Variants in BABAM2 observed in about 807,000 individuals in gnomAD.
The protein encoded by BABAM2 is BRISC and BRCA1 A complex member 2, also known as BRISC and BRCA1-A complex member 2.
A neutral mutation model predicts 54.7 loss-of-function variants in BABAM2; 31 were observed. The ratio of observed to expected loss-of-function variants is 0.57; its 90% CI spans 0.43 to 0.77. The LOEUF is 0.77. Among genes scored for constraint, BABAM2 ranks in the 30% least tolerant of loss-of-function variants. BABAM2 has a pLI of 0.00. For missense variants in BABAM2, 364 were observed against 455.8 expected, an observed-to-expected ratio of 0.80 and a Z score of 1.83; for synonymous variants, 167 against 162.9, an observed-to-expected ratio of 1.03 and a Z score of -0.19.
chr2:28,175,966 C>A (rs570834964), intron 7 of BABAM2, among the ~76,000 whole-genome samples: 1 of 152,328 alleles, frequency 6.6e-6, no homozygotes, highest in East Asian at 1.9e-4. Context: ...ATACCACTGA[C>A]ACTGTTTACG....
chr2:28,026,939 AATATATATTAATATATATAAAT>A (rs1675864545), intron 5 of BABAM2, among the ~76,000 whole-genome samples: 2 of 11,854 alleles, frequency 1.7e-4, no homozygotes, highest in Non-Finnish European at 6.1e-4. Context: ...TATATATATA[AATATATATTAATATATATAAAT>A]ATATATATAA....
chr2:28,292,673 C>G (rs1322089664), intron 10 of BABAM2, among the ~76,000 whole-genome samples: 3 of 152,178 alleles, frequency 2.0e-5, no homozygotes, highest in African/African-American at 7.2e-5. Flanking sequence ...ACATGATCAG[C>G]TCTAAGGCAA....
intron 6 of BABAM2, among the ~76,000 whole-genome samples, chr2:28,101,384 G>C (rs541781546): frequency 6.6e-6 from 1 of 152,176 alleles, no homozygotes; most frequent in Non-Finnish European, 1.5e-5. Context: ...TATTTGGTGT[G>C]TGTTAACAAG....
chr2:28,337,042 G>A (rs1249588104), intron 11 of BABAM2, among the ~76,000 whole-genome samples: 3 of 152,178 alleles, frequency 2.0e-5, no homozygotes, highest in Admixed American at 6.5e-5. Context: ...GTTCCCTGTG[G>A]GTGAGGCGAT....
intron 11 of BABAM2, among the ~76,000 whole-genome samples, chr2:28,313,546 G>A (rs1572399425): frequency 6.6e-6 from 1 of 152,164 alleles, no homozygotes; most frequent in South Asian, 2.1e-4. Context: ...GTCTCCTTGT[G>A]TGCCATGAGT....
At chr2:28,087,837 A>G (rs1049472333) in intron 6 of BABAM2, among the ~76,000 whole-genome samples, 4 of 152,026 alleles carry the variant, frequency 2.6e-5, no homozygotes, top group Non-Finnish European at 2.9e-5. Context: ...TTTAGTAGAG[A>G]CAGGGTTTCA....
At chr2:27,905,150 C>T (rs776729246) in intron 2 of BABAM2, among the ~76,000 whole-genome samples, 3 of 152,128 alleles carry the variant, frequency 2.0e-5, no homozygotes, top group Non-Finnish European at 2.9e-5. Context: ...AATCTTTTAT[C>T]AGAACACTTA....
intron 7 of BABAM2, among the ~76,000 whole-genome samples, chr2:28,173,118 A>G (rs1194303495): frequency 6.6e-6 from 1 of 152,216 alleles, no homozygotes; most frequent in Admixed American, 6.5e-5. Flanking sequence ...TCCCAGAGAT[A>G]CTATCTCTAA....
Position 27,908,522 on chromosome 2 carries a change from C to G in BABAM2, c.128+13838C>G, listed in dbSNP as rs192331307. Among the ~76,000 whole-genome samples, 358 of 152,266 alleles carry G rather than the reference C, an allele frequency of 2.4e-3. 2 individuals are homozygous for G. Among genetic ancestry groups the G allele is most frequent in the African/African-American group, 8.2e-3 (340 of 41,544 alleles). On this transcript the variant is annotated intron_variant, in intron 2 of 11. Transcript: ENST00000379624. The stretch of plus-strand genomic sequence containing the variant: ...TCTTGGACTCAAGCCATCCACCCAC[C>G]TTGGCCTCTCAAAGTGCTGGATTAC...
At chr2:27,967,599 T>C (rs181419155) in intron 3 of BABAM2, among the ~76,000 whole-genome samples, 21 of 152,298 alleles carry the variant, frequency 1.4e-4, no homozygotes, top group Non-Finnish European at 5.9e-5. Context: ...ACTTTGGAAC[T>C]GGGTAACAGG....
intron 3 of BABAM2, among the ~76,000 whole-genome samples, chr2:27,976,665 C>T (rs1331923175): frequency 6.6e-6 from 1 of 152,128 alleles, no homozygotes. Flanking sequence ...GCATGTTATA[C>T]AACTCTTATA....
chr2:28,206,299 C>A (rs1678832638), intron 7 of BABAM2, among the ~76,000 whole-genome samples: 1 of 152,028 alleles, frequency 6.6e-6, no homozygotes, highest in African/African-American at 2.4e-5. Context: ...CCCTTGGGAA[C>A]CTGAATGCCA....
At chr2:28,261,982 T>C (rs531553014) in intron 10 of BABAM2, among the ~76,000 whole-genome samples, 10 of 152,064 alleles carry the variant, frequency 6.6e-5, no homozygotes, top group Non-Finnish European at 1.2e-4. Flanking sequence ...AATGAACATA[T>C]GAAAATAACA....
intron 6 of BABAM2, among the ~76,000 whole-genome samples, chr2:28,051,598 A>G (rs1169273722): frequency 6.6e-6 from 1 of 151,896 alleles, no homozygotes; most frequent in Non-Finnish European, 1.5e-5. Flanking sequence ...ATGGAAGAGA[A>G]TTGTCGTATA....
At chr2:28,230,287 A>G (rs1681254357) in intron 7 of BABAM2, among the ~76,000 whole-genome samples, 1 of 152,064 alleles carries the variant, frequency 6.6e-6, no homozygotes, top group African/African-American at 2.4e-5. Flanking sequence ...TTTTCTCCAT[A>G]TTGAATTACA....
intron 7 of BABAM2, among the ~76,000 whole-genome samples, chr2:28,182,712 C>T (rs1181268074): frequency 6.6e-6 from 1 of 152,222 alleles, no homozygotes; most frequent in Non-Finnish European, 1.5e-5. Flanking sequence ...AAATAAATAA[C>T]ATCTAACATC....
At chr2:28,159,793 T>C (rs1028807682) in intron 7 of BABAM2, among the ~76,000 whole-genome samples, 1 of 151,670 alleles carries the variant, frequency 6.6e-6, no homozygotes, top group African/African-American at 2.4e-5. Flanking sequence ...GGCAGGAGAA[T>C]TGCTTGAATC....
intron 2 of BABAM2, among the ~76,000 whole-genome samples, chr2:27,909,851 GA>G (rs1190042066): frequency 6.6e-6 from 1 of 152,214 alleles, no homozygotes; most frequent in Non-Finnish European, 1.5e-5. Flanking sequence ...GACATGCTAT[GA>G]CATTGGTTAA....
chr2:28,248,533 C>CGT (rs1169681181), intron 10 of BABAM2, among the ~76,000 whole-genome samples: 1 of 151,898 alleles, frequency 6.6e-6, no homozygotes, highest in African/African-American at 2.4e-5. Context: ...CAGAATGCAG[C>CGT]GTGGCAAGAG....
Sources: gnomAD v4.1 joint callset for allele counts (sites outside exome capture counted in the v4.1 genomes callset) on GRCh38, gnomAD v4.1.1 for gene constraint, MANE v1.5 for transcripts, NCBI Gene and HGNC (gene_info 2026-07-23, HGNC 2026-07-21) for gene names.